Variants in CACNA1A observed in about 807,000 individuals in gnomAD.
CACNA1A encodes the protein voltage-dependent P/Q-type calcium channel subunit alpha-1A.
Under a neutral mutation model 262.4 loss-of-function variants are expected in CACNA1A, and 57 were observed. The ratio of observed to expected loss-of-function variants is 0.22; its 90% CI spans 0.18 to 0.27. The LOEUF is 0.27. Among genes scored for constraint, CACNA1A ranks in the 10% least tolerant of loss-of-function variants. The pLI is 1.00. For missense variants in CACNA1A, 2,526 were observed against 3,562.8 expected (o/e 0.71, Z 7.41); for synonymous variants, 1,431 against 1,419.3 (o/e 1.01, Z -0.18).
At chr19:13,305,130 C>T (rs772301836) in intron 15 of CACNA1A, among the ~76,000 whole-genome samples, 4 of 152,118 alleles carry the variant, frequency 2.6e-5, no homozygotes, top group Non-Finnish European at 4.4e-5. Flanking sequence ...GAGGGTGGAA[C>T]GTAAACAGTA....
intron 4 of CACNA1A, among the ~76,000 whole-genome samples, chr19:13,369,183 G>A (rs1327694035): frequency 1.3e-5 from 2 of 152,074 alleles, no homozygotes; most frequent in African/African-American, 2.4e-5. Context: ...TATGGATGTT[G>A]GTTGCTAATG....
At chr19:13,439,815 T>C (rs148131518) in intron 3 of CACNA1A, among the ~76,000 whole-genome samples, 2 of 152,138 alleles carry the variant, frequency 1.3e-5, no homozygotes, top group African/African-American at 2.4e-5. Flanking sequence ...GAAGAGGGGA[T>C]TTGGGAAATC....
intron 3 of CACNA1A, among the ~76,000 whole-genome samples, chr19:13,448,507 G>C: frequency 6.6e-6 from 1 of 152,054 alleles, no homozygotes; most frequent in Admixed American, 6.5e-5. Context: ...TAAAATAAAA[G>C]TAAAACAAAA....
At chr19:13,436,740 T>C (rs2060619815) in intron 3 of CACNA1A, among the ~76,000 whole-genome samples, 1 of 152,216 alleles carries the variant, frequency 6.6e-6, no homozygotes, top group Non-Finnish European at 1.5e-5. Flanking sequence ...TTCACACTGA[T>C]GCCACAGATG....
chr19:13,259,504 C>T, intron 27 of CACNA1A, 60 bp downstream of exon 27: 4 of 1,519,812 alleles, frequency 2.6e-6, no homozygotes, highest in Non-Finnish European at 2.7e-6. Flanking sequence ...AGCTCTCAGG[C>T]CCTTTATCCT....
intron 30 of CACNA1A, among the ~76,000 whole-genome samples, chr19:13,248,181 G>A (rs1364704136): frequency 6.6e-6 from 1 of 151,996 alleles, no homozygotes; most frequent in East Asian, 1.9e-4. Context: ...TCCAAACAAA[G>A]ACAACTTTAT....
intron 3 of CACNA1A, among the ~76,000 whole-genome samples, chr19:13,417,022 G>A (rs1016728963): frequency 6.6e-6 from 1 of 152,066 alleles, no homozygotes; most frequent in Admixed American, 6.6e-5. Flanking sequence ...CGAATTGCAC[G>A]GTACAGCTCA....
intron 3 of CACNA1A, among the ~76,000 whole-genome samples, chr19:13,438,927 C>A (rs541996323): frequency 6.6e-6 from 1 of 152,096 alleles, no homozygotes; most frequent in East Asian, 1.9e-4. Flanking sequence ...TTAGCAGAGA[C>A]GGGATTTCAC....
At chr19:13,410,540 C>CTTT (rs113290275) in intron 3 of CACNA1A, among the ~76,000 whole-genome samples, 2 of 120,716 alleles carry the variant, frequency 1.7e-5, no homozygotes, top group African/African-American at 3.4e-5. Flanking sequence ...ATTCTTTTTT[C>CTTT]TTTTTTTTTT....
intron 17 of CACNA1A, among the ~76,000 whole-genome samples, chr19:13,303,308 G>T (rs575141060): frequency 6.6e-6 from 1 of 152,216 alleles, no homozygotes; most frequent in South Asian, 2.1e-4. Flanking sequence ...TTCCTGCAGC[G>T]ACCTCACTGC....
Position 13,212,309 on chromosome 19 carries a change from G to T in CACNA1A, c.6189+75C>A, listed in dbSNP as rs779808138. 1,369 of 1,569,598 alleles carry T rather than the reference G, an allele frequency of 8.7e-4. 2 individuals are homozygous for T. The highest frequency in any genetic ancestry group is 1.0e-3 in the Non-Finnish European group (1,179 of 1,143,342). On this transcript the variant is annotated intron_variant, in intron 42 of 46. Transcript: ENST00000360228. The surrounding 1 kb of genome is among the most constrained non-coding windows in gnomAD (Gnocchi z 5.6). ...GGGAGGGAGCTGCAGGTGTGTGTGT[G>T]TGGGGGGCCCAGATCCCTTCCACCT...
rs866009041 is a variant in CACNA1A, at chr19:13,246,523, A to G, written c.4867-1258T>C. ...CCCTTCCCATCAATTTAAGTCACTGAGATGTGGGGGCTGTTTGTTACTGCA... is the reference window on the plus strand; with the variant it reads ...CCCTTCCCATCAATTTAAGTCACTGGGATGTGGGGGCTGTTTGTTACTGCA... On this transcript the variant is annotated intron_variant, in intron 30 of 46. Coordinates refer to ENST00000360228, the MANE Select transcript of CACNA1A (RefSeq NM_001127222.2). Among the ~76,000 whole-genome samples, 32 of 152,212 alleles carry G rather than the reference A, an allele frequency of 2.1e-4. No individual in the cohort carries two copies. In the Middle Eastern group the frequency reaches 0.017, roughly 81 times the overall value.
intron 19 of CACNA1A, among the ~76,000 whole-genome samples, chr19:13,295,495 CTT>C (rs199565067): frequency 1.7e-4 from 24 of 140,924 alleles, no homozygotes; most frequent in Admixed American, 3.5e-4. Context: ...TTCTTTCTTT[CTT>C]TTTTTTTTTT....
At chr19:13,388,237 TTCC>T (rs1422536956) in intron 3 of CACNA1A, among the ~76,000 whole-genome samples, 3 of 145,796 alleles carry the variant, frequency 2.1e-5, no homozygotes, top group African/African-American at 7.6e-5. Flanking sequence ...AAACGATTTC[TTCC>T]TCTTCTTTTT....
chr19:13,475,197 C>T (rs1052285265), intron 1 of CACNA1A, among the ~76,000 whole-genome samples: 1 of 152,148 alleles, frequency 6.6e-6, no homozygotes, highest in African/African-American at 2.4e-5. Flanking sequence ...ATATCAGCCC[C>T]AAAATGCAGA....
chr19:13,406,653 T>A (rs934237578), intron 3 of CACNA1A, among the ~76,000 whole-genome samples: 1 of 150,400 alleles, frequency 6.6e-6, no homozygotes, highest in Non-Finnish European at 1.5e-5. Flanking sequence ...TGTACCCAAT[T>A]TGCCCTTTGA....
intron 6 of CACNA1A, among the ~76,000 whole-genome samples, chr19:13,354,585 T>C (rs146826015): frequency 6.6e-5 from 10 of 152,320 alleles, no homozygotes; most frequent in South Asian, 6.2e-4. Context: ...AGAGGGGTTA[T>C]CTCACTTTGG....
intron 24 of CACNA1A, 167 bp from the exon 25 acceptor site, chr19:13,263,000 G>A (rs1318673989): frequency 1.6e-6 from 1 of 616,550 alleles, no homozygotes. Context: ...CATTTCACCT[G>A]TTAAGCTTGG....
intron 38 of CACNA1A, among the ~76,000 whole-genome samples, chr19:13,215,609 C>T (rs554542365): frequency 3.5e-5 from 5 of 142,262 alleles, no homozygotes; most frequent in Admixed American, 7.7e-5. Flanking sequence ...CGTGAGCCAC[C>T]GCGTCTGGCC....
Sources: gnomAD v4.1 joint callset for allele counts (sites outside exome capture counted in the v4.1 genomes callset) on GRCh38, gnomAD v4.1.1 for gene constraint, Gnocchi (gnomAD v3.1) non-coding constraint, MANE v1.5 for transcripts, NCBI Gene and HGNC (gene_info 2026-07-23, HGNC 2026-07-21) for gene names.